The following GRAMD1B variants were observed in gnomAD, a reference collection of about 807,000 sequenced individuals.
GRAMD1B encodes protein Aster-B.
Under a neutral mutation model 99.7 loss-of-function variants are expected in GRAMD1B, and 37 were observed. That is an observed-to-expected ratio of 0.37 (90% CI 0.29 to 0.49). GRAMD1B has a LOEUF of 0.49. Among genes scored for constraint, GRAMD1B ranks in the 20% least tolerant of loss-of-function variants. The probability of loss-of-function intolerance (pLI) is 0.98; values close to 1 mark genes in which losing one functional copy is unlikely to be tolerated. For synonymous variants in GRAMD1B, 427 were observed against 387.6 expected, an observed-to-expected ratio of 1.10 and a Z score of -1.19; for missense variants, 888 against 1,009.2, an observed-to-expected ratio of 0.88 and a Z score of 1.63.
At chr11:123,378,641 C>G (rs980318307) in intron 1 of GRAMD1B, among the ~76,000 whole-genome samples, 4 of 152,090 alleles carry the variant, frequency 2.6e-5, no homozygotes, top group Admixed American at 2.6e-4. Flanking sequence ...CATGGTTCGG[C>G]CTTTGAAAAA....
chr11:123,441,011 C>T (rs1949382484), intron 1 of GRAMD1B, among the ~76,000 whole-genome samples: 1 of 152,138 alleles, frequency 6.6e-6, no homozygotes, highest in African/African-American at 2.4e-5. Context: ...TGAGATGTGC[C>T]TTTCACCTTC....
At chr11:123,498,042 A>G (rs1939496149) in intron 2 of GRAMD1B, among the ~76,000 whole-genome samples, 1 of 152,104 alleles carries the variant, frequency 6.6e-6, no homozygotes, top group South Asian at 2.1e-4. Context: ...GGGTTTTGCC[A>G]GGCCACTGCT....
chr11:123,583,610 G>T (rs921833827), intron 3 of GRAMD1B, among the ~76,000 whole-genome samples: 8 of 152,272 alleles, frequency 5.3e-5, no homozygotes, highest in Admixed American at 3.9e-4. Context: ...GACACATTCA[G>T]GTCCCCTTCC....
chr11:123,445,910 A>T (rs982888231), intron 1 of GRAMD1B, among the ~76,000 whole-genome samples: 1 of 151,506 alleles, frequency 6.6e-6, no homozygotes, highest in Non-Finnish European at 1.5e-5. Context: ...ATATCTTTTT[A>T]TGTTTTCAAG....
chr11:123,626,657 G>A lies in GRAMD1B; in HGVS notation c.*4062G>A. 1 of 152,312 alleles carries A rather than the reference G, an allele frequency of 6.6e-6. No homozygotes were observed. 9.4% of individuals were successfully genotyped at this position (152,312 alleles called of 1,614,324 possible). A position where few individuals can be genotyped will look rare whatever the true frequency, so the allele number is the denominator to read the frequency against. Reference sequence around the variant, plus strand: ...CTGCCTCCTCCAGGAGGAATCTCCGGGGCCCCTTCCTGACTCTCCCCACCT... The same window carrying A: ...CTGCCTCCTCCAGGAGGAATCTCCGAGGCCCCTTCCTGACTCTCCCCACCT... On this transcript the variant is annotated 3_prime_UTR_variant, in exon 20 of 20. Transcript: ENST00000635736.
intron 1 of GRAMD1B, among the ~76,000 whole-genome samples, chr11:123,476,483 G>A (rs61906271): frequency 0.02 from 3,110 of 152,228 alleles, 55 homozygotes; most frequent in Non-Finnish European, 0.03. Flanking sequence ...GGGTACTGGA[G>A]GAGGAAAGAT....
chr11:123,529,516 T>G (rs1943134016), intron 2 of GRAMD1B, among the ~76,000 whole-genome samples: 1 of 152,136 alleles, frequency 6.6e-6, no homozygotes, highest in African/African-American at 2.4e-5. Flanking sequence ...CCAAAGAGGA[T>G]TCTATGATTT....
intron 1 of GRAMD1B, among the ~76,000 whole-genome samples, chr11:123,419,757 G>GAGAA (rs1948364703): frequency 6.6e-6 from 1 of 151,402 alleles, no homozygotes; most frequent in East Asian, 1.9e-4. Flanking sequence ...GAATGAGAAA[G>GAGAA]AGAAAGAGAG....
intron 2 of GRAMD1B, among the ~76,000 whole-genome samples, chr11:123,518,593 C>T (rs1374665233): frequency 1.3e-5 from 2 of 152,152 alleles, no homozygotes; most frequent in Non-Finnish European, 2.9e-5. Flanking sequence ...TTACCAATTA[C>T]AACCTTATAG....
intron 2 of GRAMD1B, among the ~76,000 whole-genome samples, chr11:123,482,724 C>T (rs1424041729): frequency 1.3e-5 from 2 of 152,094 alleles, no homozygotes; most frequent in African/African-American, 4.8e-5. Context: ...GCATTAGAGT[C>T]CATAAAAGAA....
rs376510429 is a variant in GRAMD1B, at chr11:123,596,162, G to A, written c.969+125G>A. 51 of 580,220 alleles carry A rather than the reference G, an allele frequency of 8.8e-5. 1 individual carries two copies. Among genetic ancestry groups the A allele is most frequent in the East Asian group, 6.1e-4 (20 of 33,032 alleles). The allele number at this position is 580,220 out of a possible 1,614,324, so 35.9% of individuals were successfully genotyped here. On this transcript the variant is annotated intron_variant, in intron 7 of 19. Coordinates refer to ENST00000635736, the MANE Select transcript of GRAMD1B (RefSeq NM_001387025.1). ...GATTGGGATGAGAGGCGCTAAGGGC[G>A]ATGCAGATTCCAGGAAGCACCTCCT... is the stretch of plus-strand genomic sequence containing the variant.
intron 2 of GRAMD1B, among the ~76,000 whole-genome samples, chr11:123,493,812 G>T (rs1938894100): frequency 6.6e-6 from 1 of 152,128 alleles, no homozygotes; most frequent in Admixed American, 6.5e-5. Context: ...GTTGTTAATA[G>T]TGGTGCTGTT....
In GRAMD1B at chr11:123,590,874, G is replaced by A. The variant is rs188351117; in HGVS notation, c.685-3208G>A. ...TCCTTTGCTGGAGTTTCAGACCAACGATGAGTCACTCTGCTGCGTCTAAGT... is the reference window on the plus strand; with the variant it reads ...TCCTTTGCTGGAGTTTCAGACCAACAATGAGTCACTCTGCTGCGTCTAAGT... On this transcript the variant is annotated intron_variant, in intron 4 of 19. Transcript: ENST00000635736. 2.4e-3 allele frequency among the ~76,000 whole-genome samples: 371 copies of A among 152,292 alleles called. 2 individuals carry two copies. Among genetic ancestry groups the A allele is most frequent in the African/African-American group, 8.4e-3 (349 of 41,564 alleles).
intron 2 of GRAMD1B, chr11:123,491,997 G>T (rs1266471844): frequency 7.5e-6 from 3 of 398,922 alleles, no homozygotes; most frequent in Non-Finnish European, 1.3e-5. Flanking sequence ...GTTTGGGATT[G>T]CCTGGGTTGG....
intron 1 of GRAMD1B, among the ~76,000 whole-genome samples, chr11:123,423,407 A>T (rs1948529322): frequency 6.6e-6 from 1 of 152,022 alleles, no homozygotes; most frequent in South Asian, 2.1e-4. Context: ...AACTTTTCAC[A>T]GTCTAACTCT....
chr11:123,564,342 A>C (rs147792851), intron 2 of GRAMD1B, among the ~76,000 whole-genome samples: 1 of 152,322 alleles, frequency 6.6e-6, no homozygotes, highest in African/African-American at 2.4e-5. Context: ...TTCATAGTGT[A>C]TTCTTTATAT....
chr11:123,407,639 G>A (rs1947900533), intron 1 of GRAMD1B, among the ~76,000 whole-genome samples: 1 of 152,146 alleles, frequency 6.6e-6, no homozygotes, highest in Admixed American at 6.5e-5. Flanking sequence ...AGTTTTACAC[G>A]GGGTTAGTTT....
intron 2 of GRAMD1B, among the ~76,000 whole-genome samples, chr11:123,557,076 T>A (rs1591986321): frequency 1.3e-5 from 2 of 152,226 alleles, no homozygotes; most frequent in South Asian, 4.1e-4. Flanking sequence ...GTTATTAAAC[T>A]TTCTACCTCT....
At chr11:123,463,596 G>A (rs1419546107) in intron 1 of GRAMD1B, among the ~76,000 whole-genome samples, 1 of 152,214 alleles carries the variant, frequency 6.6e-6, no homozygotes, top group Non-Finnish European at 1.5e-5. Flanking sequence ...GGTAATAACT[G>A]TGCCAACTTG....
Sources: gnomAD v4.1 joint callset for allele counts (sites outside exome capture counted in the v4.1 genomes callset) on GRCh38, gnomAD v4.1.1 for gene constraint, MANE v1.5 for transcripts, NCBI Gene and HGNC (gene_info 2026-07-23, HGNC 2026-07-21) for gene names.